Variants in PRTFDC1 observed in about 807,000 individuals in gnomAD.
PRTFDC1 encodes the protein phosphoribosyl transferase domain containing 1, also known as phosphoribosyltransferase domain-containing protein 1.
Under a neutral mutation model 34.6 loss-of-function variants are expected in PRTFDC1, and 38 were observed. That is an observed-to-expected ratio of 1.10 (90% CI 0.85 to 1.44). The LOEUF is 1.44. Ranked by LOEUF, PRTFDC1 falls within the 40% of genes most tolerant of loss-of-function variation. The pLI is 0.00. For missense variants in PRTFDC1, 270 were observed against 283.0 expected, an observed-to-expected ratio of 0.95 and a Z score of 0.33; for synonymous variants, 93 against 98.1, an observed-to-expected ratio of 0.95 and a Z score of 0.31.
chr10:24,950,295 TCA>T (rs1849319507), intron 1 of PRTFDC1, among the ~76,000 whole-genome samples: 1 of 152,144 alleles, frequency 6.6e-6, no homozygotes, highest in Non-Finnish European at 1.5e-5. Flanking sequence ...GTTTCCAATT[TCA>T]GATTTTTTTT....
chr10:24,901,375 T>C (rs145653566), intron 3 of PRTFDC1, among the ~76,000 whole-genome samples: 2,127 of 152,216 alleles, frequency 0.014, 50 homozygotes, highest in African/African-American at 0.048. Flanking sequence ...AAATTATAGA[T>C]GGAAAGTCTC....
chr10:24,864,158 T>C (rs533112468), intron 4 of PRTFDC1, among the ~76,000 whole-genome samples: 1 of 152,320 alleles, frequency 6.6e-6, no homozygotes, highest in South Asian at 2.1e-4. Context: ...GATAAGGAGT[T>C]GCTTCTTATG....
chr10:24,878,086 A>G lies in PRTFDC1; in HGVS notation c.340-6023T>C, dbSNP rs535233080. Among the ~76,000 whole-genome samples, 679 of 152,128 alleles carry G rather than the reference A, an allele frequency of 4.5e-3. 5 individuals carry two copies. Among genetic ancestry groups the G allele is most frequent in the African/African-American group, 0.016 (655 of 41,544 alleles). ...ACTTGAGGTTAAGACCAGCCTGGCC[A>G]ACCTGGTGAAACCCCATCTCTACTA... On this transcript the variant is annotated intron_variant, in intron 3 of 8. Coordinates refer to ENST00000320152, the MANE Select transcript of PRTFDC1 (RefSeq NM_020200.7).
At chr10:24,918,115 A>G (rs894259790) in intron 3 of PRTFDC1, among the ~76,000 whole-genome samples, 11 of 152,280 alleles carry the variant, frequency 7.2e-5, no homozygotes, top group African/African-American at 2.2e-4. Flanking sequence ...GGGAGTCCCA[A>G]TGATCTTCAC....
intron 3 of PRTFDC1, among the ~76,000 whole-genome samples, chr10:24,917,834 G>A (rs1848719202): frequency 6.6e-6 from 1 of 152,144 alleles, no homozygotes; most frequent in Non-Finnish European, 1.5e-5. Flanking sequence ...TCAAACCTCA[G>A]TGCCTCATTG....
rs540888243 is a variant in PRTFDC1, at chr10:24,937,836, G to T, written c.156-469C>A. On this transcript the variant is annotated intron_variant, in intron 2 of 8. Coordinates refer to ENST00000320152, the MANE Select transcript of PRTFDC1 (RefSeq NM_020200.7). Reference sequence around the variant, plus strand: ...GCTTCCCAAAGTGCTGGGATTACAGGCATGAGCCACCATGCCTGGCAGTAT... The same window carrying T: ...GCTTCCCAAAGTGCTGGGATTACAGTCATGAGCCACCATGCCTGGCAGTAT... 2.6e-5 allele frequency among the ~76,000 whole-genome samples: 4 copies of T among 152,142 alleles called. No homozygotes were observed. The South Asian group carries it at 8.3e-4, about 32-fold the overall frequency.
rs1289361544 is a variant in PRTFDC1, at chr10:24,929,055, AGAAAGAAAG to A, written c.339+8120_339+8128del. Among the ~76,000 whole-genome samples the A allele has an allele frequency of 7.1e-3, 748 of 104,978 alleles. 114 individuals are homozygous for A. Among genetic ancestry groups the A allele is most frequent in the African/African-American group, 0.027 (708 of 26,666 alleles). The allele number at this position is 104,978 out of a possible 152,430, so 68.9% of individuals were successfully genotyped here. ...GACTCCGTCTCAAAAAAAAAAAAAA[AGAAAGAAAG>A]AAAGAAAGAAAGGGAGGCTTTCAAT... is the stretch of plus-strand genomic sequence containing the variant. On this transcript the variant is annotated intron_variant, in intron 3 of 8. Transcript: ENST00000320152.
At chr10:24,873,261 TG>T (rs1159518404) in intron 3 of PRTFDC1, among the ~76,000 whole-genome samples, 4 of 152,160 alleles carry the variant, frequency 2.6e-5, no homozygotes, top group African/African-American at 9.7e-5. Flanking sequence ...CAAAATGGAT[TG>T]TTACATAGTG....
At chr10:24,919,513 C>T (rs565293470) in intron 3 of PRTFDC1, among the ~76,000 whole-genome samples, 42 of 152,076 alleles carry the variant, frequency 2.8e-4, no homozygotes, top group Non-Finnish European at 5.4e-4. Context: ...AATGGAAAAC[C>T]CAAAACTATA....
At chr10:24,857,144 T>C in intron 5 of PRTFDC1, 149 bp from the exon 6 acceptor site, 1 of 703,044 alleles carries the variant, frequency 1.4e-6, no homozygotes. Context: ...GTTGGTTATG[T>C]TTTATTTAGA....
chr10:24,891,714 T>C (rs1848265019), intron 3 of PRTFDC1, among the ~76,000 whole-genome samples: 1 of 152,070 alleles, frequency 6.6e-6, no homozygotes, highest in Non-Finnish European at 1.5e-5. Context: ...TGAGCTGTAA[T>C]CGTGCCACTG....
chr10:24,895,688 G>GATAGATATATAT (rs1555048844), intron 3 of PRTFDC1, among the ~76,000 whole-genome samples: 2 of 47,382 alleles, frequency 4.2e-5, no homozygotes, highest in African/African-American at 7.1e-5. Flanking sequence ...AGCTGGGGTG[G>GATAGATATATAT]ATATATATAT....
intron 4 of PRTFDC1, among the ~76,000 whole-genome samples, chr10:24,864,477 C>A (rs540408737): frequency 7.2e-5 from 11 of 152,136 alleles, no homozygotes; most frequent in Admixed American, 1.3e-4. Context: ...CACCCACCAG[C>A]CTGATCAGTC....
intron 3 of PRTFDC1, among the ~76,000 whole-genome samples, chr10:24,934,432 T>C (rs1192985280): frequency 1.3e-5 from 2 of 152,176 alleles, no homozygotes; most frequent in African/African-American, 2.4e-5. Context: ...AAGCCAGACA[T>C]GCCTCGTGAT....
chr10:24,944,509 TACAGTGGCTC>T (rs1424326452), intron 1 of PRTFDC1, among the ~76,000 whole-genome samples: 1 of 152,144 alleles, frequency 6.6e-6, no homozygotes, highest in East Asian at 1.9e-4. Flanking sequence ...CACAGCCAGG[TACAGTGGCTC>T]ATGCCTGTAA....
chr10:24,935,857 C>T (rs1424613006), intron 3 of PRTFDC1, among the ~76,000 whole-genome samples: 1 of 152,188 alleles, frequency 6.6e-6, no homozygotes, highest in Non-Finnish European at 1.5e-5. Context: ...CTACCAACTC[C>T]AGCCTACAGT....
At chr10:24,909,707 C>G (rs1848597632) in intron 3 of PRTFDC1, among the ~76,000 whole-genome samples, 1 of 152,182 alleles carries the variant, frequency 6.6e-6, no homozygotes, top group South Asian at 2.1e-4. Context: ...TTACCCTCTA[C>G]ATTGAGAAAG....
intron 3 of PRTFDC1, among the ~76,000 whole-genome samples, chr10:24,874,701 T>C (rs892597157): frequency 4.6e-5 from 7 of 152,348 alleles, no homozygotes; most frequent in Admixed American, 6.5e-5. Flanking sequence ...CTTAAGAAAG[T>C]CCTACTTCTT....
intron 4 of PRTFDC1, among the ~76,000 whole-genome samples, chr10:24,871,533 A>C (rs1847867012): frequency 6.6e-6 from 1 of 152,226 alleles, no homozygotes; most frequent in South Asian, 2.1e-4. Flanking sequence ...AAAAAGGCAA[A>C]GTGCTGAAAA....
Sources: gnomAD v4.1 joint callset for allele counts (sites outside exome capture counted in the v4.1 genomes callset) on GRCh38, gnomAD v4.1.1 for gene constraint, MANE v1.5 for transcripts, NCBI Gene and HGNC (gene_info 2026-07-23, HGNC 2026-07-21) for gene names.